The following SLC4A10 variants were observed in gnomAD, a reference collection of about 807,000 sequenced individuals.
The protein encoded by SLC4A10 is solute carrier family 4 member 10, also known as sodium-driven chloride bicarbonate exchanger.
SLC4A10 carries 42 observed loss-of-function variants against 137.7 expected under a neutral mutation model. The ratio of observed to expected loss-of-function variants is 0.30; its 90% CI spans 0.24 to 0.39. The LOEUF is 0.39. Among genes scored for constraint, SLC4A10 ranks in the 10% least tolerant of loss-of-function variants. The pLI is 1.00. For missense variants in SLC4A10, 925 were observed against 1,355.0 expected, an observed-to-expected ratio of 0.68 and a Z score of 4.98; for synonymous variants, 474 against 464.1, an observed-to-expected ratio of 1.02 and a Z score of -0.27.
At chr2:161,779,205 C>A (rs2125462286) in intron 2 of SLC4A10, among the ~76,000 whole-genome samples, 1 of 152,024 alleles carries the variant, frequency 6.6e-6, no homozygotes, top group African/African-American at 2.4e-5. Flanking sequence ...TTTATGAGAA[C>A]TAATGCCATC....
At chr2:161,820,460 G>A (rs2057519501) in intron 3 of SLC4A10, among the ~76,000 whole-genome samples, 1 of 152,124 alleles carries the variant, frequency 6.6e-6, no homozygotes, top group African/African-American at 2.4e-5. Flanking sequence ...CTCATTACCA[G>A]TCATTAGGTT....
chr2:161,831,204 C>G (rs1372054723), intron 3 of SLC4A10, among the ~76,000 whole-genome samples: 1 of 152,130 alleles, frequency 6.6e-6, no homozygotes, highest in African/African-American at 2.4e-5. Context: ...ACTATATTAT[C>G]ATTGTGTGTT....
At chr2:161,742,375 TTA>T (rs1334046321) in intron 1 of SLC4A10, among the ~76,000 whole-genome samples, 4 of 152,044 alleles carry the variant, frequency 2.6e-5, no homozygotes, top group African/African-American at 9.7e-5. Context: ...AATTCTATTT[TTA>T]GTTTTCTGGG....
intron 1 of SLC4A10, among the ~76,000 whole-genome samples, chr2:161,702,056 T>C (rs1215922039): frequency 6.6e-6 from 1 of 151,878 alleles, no homozygotes; most frequent in African/African-American, 2.4e-5. Context: ...GCTGAGTATA[T>C]ACCCAAAAGA....
At chr2:161,715,214 C>G (rs1486292354) in intron 1 of SLC4A10, among the ~76,000 whole-genome samples, 1 of 151,966 alleles carries the variant, frequency 6.6e-6, no homozygotes, top group African/African-American at 2.4e-5. Context: ...CTGTTTCATA[C>G]TGTTTAGAGT....
At chr2:161,645,021 G>A (rs971145457) in intron 1 of SLC4A10, among the ~76,000 whole-genome samples, 3 of 152,066 alleles carry the variant, frequency 2.0e-5, no homozygotes, top group Non-Finnish European at 4.4e-5. Flanking sequence ...CAGGCCATTT[G>A]ATTTTCAGAA....
intron 1 of SLC4A10, among the ~76,000 whole-genome samples, chr2:161,679,686 C>CGTGTGTGTGTGT (rs67726464): frequency 2.2e-5 from 3 of 136,694 alleles, no homozygotes; most frequent in African/African-American, 5.5e-5. Flanking sequence ...TGTAGGTCAA[C>CGTGTGTGTGTGT]GTGTGTGTGT....
At chr2:161,698,886 G>A (rs45572738) in intron 1 of SLC4A10, among the ~76,000 whole-genome samples, 8 of 152,226 alleles carry the variant, frequency 5.3e-5, no homozygotes, top group African/African-American at 1.9e-4. Context: ...AGGAATGGTA[G>A]CAGCTCCTCC....
chr2:161,699,660 A>G (rs1333924075), intron 1 of SLC4A10, among the ~76,000 whole-genome samples: 1 of 152,166 alleles, frequency 6.6e-6, no homozygotes, highest in East Asian at 1.9e-4. Context: ...AATGTTTCAG[A>G]GTAGTCAGGA....
intron 15 of SLC4A10, among the ~76,000 whole-genome samples, chr2:161,940,408 A>G (rs1036811373): frequency 1.3e-5 from 2 of 151,880 alleles, no homozygotes; most frequent in Non-Finnish European, 2.9e-5. Context: ...TGGAGGTTCA[A>G]CCTCAGGCCT....
intron 3 of SLC4A10, among the ~76,000 whole-genome samples, chr2:161,810,190 A>T (rs2056403053): frequency 6.6e-6 from 1 of 152,054 alleles, no homozygotes; most frequent in African/African-American, 2.4e-5. Flanking sequence ...GCTGTACAGA[A>T]ATACTATTGA....
chr2:161,647,515 TTATAGA>T (rs779844169), intron 1 of SLC4A10, among the ~76,000 whole-genome samples: 3 of 152,054 alleles, frequency 2.0e-5, no homozygotes, highest in Non-Finnish European at 4.4e-5. Flanking sequence ...TATTAAAGTA[TTATAGA>T]TATACACCAA....
At chr2:161,769,708 C>G (rs1046653259) in intron 1 of SLC4A10, among the ~76,000 whole-genome samples, 17 of 151,716 alleles carry the variant, frequency 1.1e-4, no homozygotes, top group Non-Finnish European at 1.8e-4. Flanking sequence ...TTCTCTTCTC[C>G]TTACTGTAAT....
At chr2:161,888,003 A>G (rs946296022) in intron 10 of SLC4A10, among the ~76,000 whole-genome samples, 1 of 152,136 alleles carries the variant, frequency 6.6e-6, no homozygotes, top group African/African-American at 2.4e-5. Context: ...GAAGGGGTCC[A>G]GTTTCTGTTT....
At chr2:161,922,926 C>A (rs1449704728) in intron 15 of SLC4A10, among the ~76,000 whole-genome samples, 1 of 152,146 alleles carries the variant, frequency 6.6e-6, no homozygotes, top group African/African-American at 2.4e-5. Context: ...AAATGAATCA[C>A]AAACCATAAC....
At chr2:161,854,006 C>T (rs2059968491) in intron 4 of SLC4A10, among the ~76,000 whole-genome samples, 1 of 152,010 alleles carries the variant, frequency 6.6e-6, no homozygotes, top group South Asian at 2.1e-4. Flanking sequence ...CATTTTATTA[C>T]ACAAAATAGT....
intron 2 of SLC4A10, among the ~76,000 whole-genome samples, chr2:161,782,273 C>A (rs1012811434): frequency 1.3e-5 from 2 of 151,970 alleles, no homozygotes; most frequent in African/African-American, 2.4e-5. Flanking sequence ...ACCTGGCAAA[C>A]CCTAGACACC....
chr2:161,881,222 T>C (rs371549014), intron 9 of SLC4A10, among the ~76,000 whole-genome samples: 12 of 152,182 alleles, frequency 7.9e-5, no homozygotes, highest in African/African-American at 2.9e-4. Flanking sequence ...AATAATCTTT[T>C]AGATCTTTAA....
intron 15 of SLC4A10, chr2:161,931,122 G>A (rs2105627982): frequency 6.6e-6 from 1 of 152,204 alleles, no homozygotes; most frequent in South Asian, 2.1e-4. Flanking sequence ...GCAGAAAGGG[G>A]GTTTCACCAT....
Sources: gnomAD v4.1 joint callset for allele counts (sites outside exome capture counted in the v4.1 genomes callset) on GRCh38, gnomAD v4.1.1 for gene constraint, MANE v1.5 for transcripts, NCBI Gene and HGNC (gene_info 2026-07-23, HGNC 2026-07-21) for gene names.